GNG4: variants seen among roughly 807,000 people sequenced by gnomAD.
GNG4 encodes guanine nucleotide-binding protein G(I)/G(S)/G(O) subunit gamma-4.
GNG4 carries 4 observed loss-of-function variants against 5.8 expected under a neutral mutation model. The ratio of observed to expected loss-of-function variants is 0.69; its 90% CI spans 0.34 to 1.57. The LOEUF (loss-of-function observed/expected upper bound fraction) is 1.57. Among genes scored for constraint, GNG4 ranks in the 40% most tolerant of loss-of-function variants. The probability of loss-of-function intolerance (pLI) is 0.06; values close to 1 mark genes in which losing one functional copy is unlikely to be tolerated. For missense variants in GNG4, 96 were observed against 95.1 expected, an observed-to-expected ratio of 1.01 and a Z score of -0.04; for synonymous variants, 29 against 32.9, an observed-to-expected ratio of 0.88 and a Z score of 0.41.
At chr1:235,592,994 C>A (rs1688015536) in intron 2 of GNG4, among the ~76,000 whole-genome samples, 2 of 147,374 alleles carry the variant, frequency 1.4e-5, no homozygotes, top group African/African-American at 5.0e-5. Flanking sequence ...TTTACCCAGG[C>A]TTGGAGTGCA....
chr1:235,551,404 G>A lies in GNG4; in HGVS notation c.*705C>T, dbSNP rs1226199147. On this transcript the variant is annotated 3_prime_UTR_variant, in exon 4 of 4. Coordinates refer to ENST00000391854, the MANE Select transcript of GNG4 (RefSeq NM_001098722.2). ...TAAAAATACAAAAAATTAGCTGGGT[G>A]TGGTGGCGCGTGCCTATGATCCCAG... 2 of 152,406 alleles carry A rather than the reference G, an allele frequency of 1.3e-5. No individual in the cohort carries two copies. Among genetic ancestry groups the A allele is most frequent in the African/African-American group, 2.4e-5 (1 of 41,564 alleles). 9.4% of individuals were successfully genotyped at this position (152,406 alleles called of 1,614,324 possible). A position where few individuals can be genotyped will look rare whatever the true frequency, so the allele number is the denominator to read the frequency against.
intron 1 of GNG4, among the ~76,000 whole-genome samples, chr1:235,641,225 A>G (rs939712039): frequency 5.3e-5 from 8 of 151,924 alleles, no homozygotes; most frequent in African/African-American, 1.9e-4. Flanking sequence ...ATCTCTACAA[A>G]AAGTTTTAAA....
chr1:235,578,173 A>T (rs1394047224), intron 3 of GNG4, among the ~76,000 whole-genome samples: 1 of 152,146 alleles, frequency 6.6e-6, no homozygotes, highest in African/African-American at 2.4e-5. Context: ...GACTATTATT[A>T]AAAAAACAGA....
chr1:235,643,089 C>T (rs1412582935), intron 1 of GNG4, among the ~76,000 whole-genome samples: 2 of 152,182 alleles, frequency 1.3e-5, no homozygotes, highest in African/African-American at 4.8e-5. Flanking sequence ...TCTCCTGCCC[C>T]ACGCCTCCGA....
At chr1:235,605,999 C>G (rs1005300900) in intron 1 of GNG4, among the ~76,000 whole-genome samples, 3 of 151,332 alleles carry the variant, frequency 2.0e-5, no homozygotes, top group African/African-American at 7.3e-5. Flanking sequence ...GTCTTGCACT[C>G]TTGGGCTTAA....
intron 3 of GNG4, among the ~76,000 whole-genome samples, chr1:235,555,971 A>T (rs901686978): frequency 5.3e-5 from 8 of 151,936 alleles, no homozygotes; most frequent in African/African-American, 1.9e-4. Flanking sequence ...GGTTTCAAAC[A>T]GTTTTCCTGC....
chr1:235,608,596 G>A (rs2102967163), intron 1 of GNG4, among the ~76,000 whole-genome samples: 1 of 152,198 alleles, frequency 6.6e-6, no homozygotes, highest in Non-Finnish European at 1.5e-5. Context: ...ACCCATTCTG[G>A]ACATTTCACA....
chr1:235,637,411 C>T (rs151325780), intron 1 of GNG4, among the ~76,000 whole-genome samples: 1,847 of 151,488 alleles, frequency 0.012, 20 homozygotes, highest in East Asian at 0.034. Context: ...CCAGCACTTT[C>T]GGAGGCCAAG....
intron 3 of GNG4, among the ~76,000 whole-genome samples, chr1:235,553,445 A>G (rs1318148882): frequency 6.6e-6 from 1 of 152,224 alleles, no homozygotes; most frequent in East Asian, 1.9e-4. Context: ...TTCAATGTCT[A>G]AATCTTCCCC....
intron 1 of GNG4, among the ~76,000 whole-genome samples, chr1:235,647,263 A>C (rs1400485785): frequency 6.6e-6 from 1 of 152,176 alleles, no homozygotes; most frequent in Non-Finnish European, 1.5e-5. Flanking sequence ...AAAAAGGAAA[A>C]CCAGCAAGAT....
chr1:235,559,338 C>T (rs1406260339), intron 3 of GNG4, among the ~76,000 whole-genome samples: 2 of 152,174 alleles, frequency 1.3e-5, no homozygotes, highest in Non-Finnish European at 2.9e-5. Context: ...ATATCATATA[C>T]TGCTTATCCT....
intron 1 of GNG4, among the ~76,000 whole-genome samples, chr1:235,623,439 C>T (rs1426781125): frequency 6.6e-6 from 1 of 152,162 alleles, no homozygotes; most frequent in Non-Finnish European, 1.5e-5. Context: ...ACACAGGTGA[C>T]TTCGTGGCTT....
chr1:235,600,435 T>C (rs549087321), intron 1 of GNG4, among the ~76,000 whole-genome samples: 9 of 100,116 alleles, frequency 9.0e-5, no homozygotes, highest in Admixed American at 6.4e-4. Flanking sequence ...TGTGTGTGTG[T>C]GTGTATATGT....
intron 1 of GNG4, among the ~76,000 whole-genome samples, chr1:235,616,802 G>A (rs180805336): frequency 2.0e-5 from 3 of 152,004 alleles, no homozygotes; most frequent in East Asian, 1.9e-4. Context: ...GCAGTGGCAC[G>A]ATGTCAGCTC....
intron 2 of GNG4, among the ~76,000 whole-genome samples, chr1:235,587,960 G>A (rs1418598793): frequency 6.6e-6 from 1 of 151,724 alleles, no homozygotes; most frequent in Non-Finnish European, 1.5e-5. Flanking sequence ...GCACAGGTGG[G>A]TCATGTGGCG....
chr1:235,588,813 C>T (rs1687891355), intron 2 of GNG4: 1 of 152,500 alleles, frequency 6.6e-6, no homozygotes, highest in African/African-American at 2.4e-5. Context: ...AGCAGAGAAC[C>T]CTCCTTAATG....
chr1:235,621,721 G>A (rs954839029), intron 1 of GNG4, among the ~76,000 whole-genome samples: 1 of 151,052 alleles, frequency 6.6e-6, no homozygotes, highest in South Asian at 2.1e-4. Flanking sequence ...CAGTCACCCA[G>A]GCTGGAGTGC....
At chr1:235,589,800 C>T (rs545271171) in intron 2 of GNG4, among the ~76,000 whole-genome samples, 2 of 152,322 alleles carry the variant, frequency 1.3e-5, no homozygotes, top group South Asian at 4.1e-4. Context: ...GACACGGTCA[C>T]TAGTCTAGTG....
intron 1 of GNG4, among the ~76,000 whole-genome samples, chr1:235,617,691 C>A (rs1688624190): frequency 1.3e-5 from 2 of 152,066 alleles, no homozygotes; most frequent in African/African-American, 4.8e-5. Flanking sequence ...TCAAGACCAG[C>A]CTGACCAACA....
Sources: gnomAD v4.1 joint callset for allele counts (sites outside exome capture counted in the v4.1 genomes callset) on GRCh38, gnomAD v4.1.1 for gene constraint, MANE v1.5 for transcripts, NCBI Gene and HGNC (gene_info 2026-07-23, HGNC 2026-07-21) for gene names.